Variants in ITGA9 observed in about 807,000 individuals in gnomAD.
ITGA9 encodes integrin subunit alpha 9.
Under a neutral mutation model 127.8 loss-of-function variants are expected in ITGA9, and 56 were observed. That is an observed-to-expected ratio of 0.44 (90% CI 0.35 to 0.55). The LOEUF is 0.55. Ranked by LOEUF, ITGA9 falls within the 20% of genes least tolerant of loss-of-function variation. ITGA9 has a pLI of 0.00. For synonymous variants in ITGA9, 508 were observed against 514.5 expected (o/e 0.99, Z 0.17); for missense variants, 1,196 against 1,347.1 (o/e 0.89, Z 1.76).
At chr3:37,489,985 A>G (rs553577250) in intron 4 of ITGA9, among the ~76,000 whole-genome samples, 16 of 152,214 alleles carry the variant, frequency 1.1e-4, no homozygotes, top group South Asian at 8.3e-4. Flanking sequence ...TCGTTCCCCT[A>G]TTTCCTGGGG....
At chr3:37,667,599 G>A (rs1311336615) in intron 17 of ITGA9, among the ~76,000 whole-genome samples, 3 of 152,194 alleles carry the variant, frequency 2.0e-5, no homozygotes, top group South Asian at 2.1e-4. Context: ...CAGCTCAGGC[G>A]TAAGCACAAC....
At chr3:37,544,270 C>T (rs1162031772) in intron 15 of ITGA9, among the ~76,000 whole-genome samples, 1 of 152,122 alleles carries the variant, frequency 6.6e-6, no homozygotes. Flanking sequence ...TATGGTGGCC[C>T]TGAGGGTTAC....
At chr3:37,471,200 C>A in intron 2 of ITGA9, 66 bp downstream of exon 2, 2 of 1,575,672 alleles carry the variant, frequency 1.3e-6, no homozygotes, top group Non-Finnish European at 1.7e-6. Context: ...CTTCTTCTTC[C>A]CAGGATGGCC....
intron 17 of ITGA9, among the ~76,000 whole-genome samples, chr3:37,680,321 G>T (rs1700722876): frequency 6.6e-6 from 1 of 152,124 alleles, no homozygotes; most frequent in Non-Finnish European, 1.5e-5. Flanking sequence ...TTTAGTCAAA[G>T]ACTTTTTTAG....
chr3:37,790,388 A>G, intron 26 of ITGA9: 1 of 485,796 alleles, frequency 2.1e-6, no homozygotes, highest in South Asian at 1.6e-5. Context: ...CTGATTTCCC[A>G]TTCTGCTCGG....
At chr3:37,566,167 A>G (rs1699545153) in intron 15 of ITGA9, among the ~76,000 whole-genome samples, 1 of 152,222 alleles carries the variant, frequency 6.6e-6, no homozygotes, top group Non-Finnish European at 1.5e-5. Flanking sequence ...CCCCTTATCC[A>G]TTGGGAATAC....
In ITGA9 at chr3:37,523,590, A is replaced by G. The variant is rs1699065446; in HGVS notation, c.1306A>G (p.Met436Val). Residue 436 changes from methionine (M) to valine (V), a missense_variant, in exon 12 of 28, where the codon ATG (methionine) becomes GTG (valine). Physicochemically the swap from Met to Val is conservative, Grantham distance 21. Coordinates refer to ENST00000264741, the MANE Select transcript of ITGA9 (RefSeq NM_002207.3). ...TCAGTCCATATCGGGAGGCATTGAT[A>G]TGGATGGAAATGGCTATCCTGGTAA... ...FGQSISGGID[M>V]DGNGYPDVTV... 1.2e-6 allele frequency: 2 copies of G among 1,613,118 alleles called. No individual in the cohort carries two copies. Among genetic ancestry groups the G allele is most frequent in the Non-Finnish European group, 1.7e-6 (2 of 1,179,134 alleles).
rs549204656 is a variant in ITGA9, at chr3:37,611,579, C to T, written c.1690-17608C>T. On this transcript the variant is annotated intron_variant, in intron 15 of 27. Coordinates refer to ENST00000264741, the MANE Select transcript of ITGA9 (RefSeq NM_002207.3). Reference sequence around the variant, plus strand: ...GGTTTGGGAGCAACTACTTTCTTCACTCTCTAAACTGCAAATCATTCAGGG... The same window carrying T: ...GGTTTGGGAGCAACTACTTTCTTCATTCTCTAAACTGCAAATCATTCAGGG... Among the ~76,000 whole-genome samples, 8 of 152,276 alleles carry T rather than the reference C, an allele frequency of 5.3e-5. No homozygotes were observed. In the South Asian group the frequency reaches 1.7e-3, roughly 32 times the overall value.
chr3:37,494,002 G>A (rs981708037), intron 4 of ITGA9, among the ~76,000 whole-genome samples: 1 of 152,124 alleles, frequency 6.6e-6, no homozygotes, highest in Non-Finnish European at 1.5e-5. Context: ...GAATGCCAGA[G>A]CAGTCCCTTC....
chr3:37,715,705 T>A (rs993045280), intron 18 of ITGA9, among the ~76,000 whole-genome samples: 1 of 152,242 alleles, frequency 6.6e-6, no homozygotes, highest in Middle Eastern at 3.2e-3. Flanking sequence ...CCTGGTTTGC[T>A]TGAAACTGGC....
intron 3 of ITGA9, among the ~76,000 whole-genome samples, chr3:37,475,135 C>G (rs1698480012): frequency 6.6e-6 from 1 of 152,248 alleles, no homozygotes; most frequent in Admixed American, 6.5e-5. Context: ...CCACATTCCT[C>G]CAGGCATGGT....
chr3:37,811,756 CA>C (rs1175576049), intron 27 of ITGA9, among the ~76,000 whole-genome samples: 2 of 152,162 alleles, frequency 1.3e-5, no homozygotes, highest in Admixed American at 6.5e-5. Flanking sequence ...ACTGCTTGGC[CA>C]GCCCTATGGC....
At chr3:37,747,802 C>T (rs746577129) in intron 22 of ITGA9, among the ~76,000 whole-genome samples, 1 of 150,932 alleles carries the variant, frequency 6.6e-6, no homozygotes, top group Non-Finnish European at 1.5e-5. Context: ...AGTCTCAGCT[C>T]ATTGCAGCCT....
intron 16 of ITGA9, among the ~76,000 whole-genome samples, chr3:37,641,110 A>G (rs1179857129): frequency 6.6e-6 from 1 of 152,066 alleles, no homozygotes; most frequent in African/African-American, 2.4e-5. Context: ...CAATGGCACC[A>G]TCTTAGGCAG....
chr3:37,552,680 C>G (rs1699389592), intron 15 of ITGA9, among the ~76,000 whole-genome samples: 1 of 152,158 alleles, frequency 6.6e-6, no homozygotes, highest in Non-Finnish European at 1.5e-5. Flanking sequence ...TACTCCAGCT[C>G]TCTGTGTATG....
intron 23 of ITGA9, among the ~76,000 whole-genome samples, chr3:37,774,736 A>G (rs905971991): frequency 1.3e-5 from 2 of 152,032 alleles, no homozygotes; most frequent in African/African-American, 4.8e-5. Flanking sequence ...AACAAAAAAC[A>G]AAAAACAAAA....
chr3:37,515,107 C>T (rs956911413), intron 9 of ITGA9, among the ~76,000 whole-genome samples: 10 of 152,052 alleles, frequency 6.6e-5, no homozygotes, highest in African/African-American at 1.4e-4. Flanking sequence ...ATTCTGGTGC[C>T]GCCTACCTTT....
chr3:37,621,252 C>T (rs930242376), intron 15 of ITGA9, among the ~76,000 whole-genome samples: 3 of 152,202 alleles, frequency 2.0e-5, no homozygotes, highest in Admixed American at 1.3e-4. Flanking sequence ...CCATATGGAA[C>T]TGTGAGTCCA....
chr3:37,637,590 T>C (rs530536526), intron 16 of ITGA9, among the ~76,000 whole-genome samples: 180 of 152,318 alleles, frequency 1.2e-3, no homozygotes, highest in African/African-American at 4.0e-3. Context: ...GAGGGACAAT[T>C]TGAGAAAATT....
Sources: gnomAD v4.1 joint callset for allele counts (sites outside exome capture counted in the v4.1 genomes callset) on GRCh38, gnomAD v4.1.1 for gene constraint, MANE v1.5 for transcripts, NCBI Gene and HGNC (gene_info 2026-07-23, HGNC 2026-07-21) for gene names.